The following CYTH3 variants were observed in gnomAD, a reference collection of about 807,000 sequenced individuals.
The protein encoded by CYTH3 is cytohesin 3.
A neutral mutation model predicts 55.1 loss-of-function variants in CYTH3; 23 were observed. The observed-to-expected ratio is 0.42, with a 90% CI of 0.30 to 0.59. The LOEUF is 0.59. Ranked by LOEUF, CYTH3 falls within the 20% of genes least tolerant of loss-of-function variation. The pLI is 0.20. For missense variants in CYTH3, 413 were observed against 524.8 expected, an observed-to-expected ratio of 0.79 and a Z score of 2.08; for synonymous variants, 249 against 194.9, an observed-to-expected ratio of 1.28 and a Z score of -2.31.
chr7:6,272,496 G>A lies in CYTH3; in HGVS notation c.12C>T (p.Asp4=). 2 of 1,344,938 alleles carry A rather than the reference G, an allele frequency of 1.5e-6. No homozygotes were observed. Among genetic ancestry groups the A allele is most frequent in the South Asian group, 1.5e-5 (1 of 67,748 alleles). The allele number at this position is 1,344,938 out of a possible 1,614,324, so 83.3% of individuals were successfully genotyped here. The change falls in exon 1 of 13, where the codon GAC becomes GAT. Residue 4 remains aspartate, a synonymous_variant. Transcript: ENST00000350796. ...CACCGCCACCACCCTCGCCGCCGCC[G>A]TCTTCATCCATCTTGAGGCCACTCC... is the stretch of plus-strand genomic sequence containing the variant. MDE[D]GGGEGGGVPE... is the part of the protein sequence containing the mutation.
At chr7:6,245,841 T>A (rs1007763993) in intron 1 of CYTH3, among the ~76,000 whole-genome samples, 1 of 152,152 alleles carries the variant, frequency 6.6e-6, no homozygotes, top group African/African-American at 2.4e-5. Context: ...GAGGTCAAGG[T>A]TGCAATGAGC....
intron 1 of CYTH3, among the ~76,000 whole-genome samples, chr7:6,263,741 T>C (rs1780414137): frequency 6.7e-6 from 1 of 149,914 alleles, no homozygotes; most frequent in Admixed American, 6.7e-5. Context: ...GAGGTTTCAA[T>C]GAGCCAAGAT....
intron 11 of CYTH3, 26 bp downstream of exon 11, chr7:6,165,519 G>A (rs201518525): frequency 1.6e-5 from 26 of 1,612,114 alleles, no homozygotes; most frequent in Non-Finnish European, 2.0e-5. Context: ...GCTGGCAGGA[G>A]AGAAGGTTCA....
intron 1 of CYTH3, among the ~76,000 whole-genome samples, chr7:6,265,981 T>C (rs1302745731): frequency 4.7e-5 from 7 of 148,288 alleles, no homozygotes; most frequent in African/African-American, 1.8e-4. Flanking sequence ...ACAGCTATTA[T>C]GTCAATTCTG....
intron 1 of CYTH3, among the ~76,000 whole-genome samples, chr7:6,247,408 T>C (rs773219318): frequency 7.3e-5 from 11 of 151,550 alleles, no homozygotes; most frequent in Non-Finnish European, 1.5e-4. Flanking sequence ...TCTTTGAATA[T>C]ACAGAAACAG....
At chr7:6,178,137 T>C (rs1344368903) in intron 4 of CYTH3, among the ~76,000 whole-genome samples, 196 bp from the exon 5 acceptor site, 1 of 152,264 alleles carries the variant, frequency 6.6e-6, no homozygotes, top group East Asian at 1.9e-4. Context: ...CGCACGTTCA[T>C]TCCTCCTGTT....
At chr7:6,178,902 C>A (rs1254170498) in intron 4 of CYTH3, among the ~76,000 whole-genome samples, 2 of 152,190 alleles carry the variant, frequency 1.3e-5, no homozygotes, top group African/African-American at 4.8e-5. Flanking sequence ...ACCTCTAACA[C>A]AGCCTTGCAG....
chr7:6,179,591 C>T (rs1295971013), intron 4 of CYTH3, among the ~76,000 whole-genome samples: 2 of 139,644 alleles, frequency 1.4e-5, no homozygotes, highest in Non-Finnish European at 3.1e-5. Flanking sequence ...AAGACAGACA[C>T]ACACACACAC....
intron 1 of CYTH3, among the ~76,000 whole-genome samples, chr7:6,236,206 C>G (rs1286101594): frequency 1.3e-5 from 2 of 151,816 alleles, no homozygotes; most frequent in East Asian, 1.9e-4. Context: ...AATAACCCCC[C>G]CCTTATTTTT....
At chr7:6,234,989 G>A (rs1409644862) in intron 1 of CYTH3, among the ~76,000 whole-genome samples, 2 of 152,160 alleles carry the variant, frequency 1.3e-5, no homozygotes, top group South Asian at 2.1e-4. Flanking sequence ...TCAGTGCCTT[G>A]CATCTGGTCC....
chr7:6,247,683 G>T (rs995783021), intron 1 of CYTH3, among the ~76,000 whole-genome samples: 1 of 151,800 alleles, frequency 6.6e-6, no homozygotes, highest in Non-Finnish European at 1.5e-5. Context: ...AGGGTCTGTC[G>T]CCCAGGCTGG....
At chr7:6,211,690 T>A (rs1784322706) in intron 1 of CYTH3, among the ~76,000 whole-genome samples, 1 of 152,184 alleles carries the variant, frequency 6.6e-6, no homozygotes, top group Admixed American at 6.5e-5. Context: ...ATAGTTACCC[T>A]GTTGTGCTAT....
intron 1 of CYTH3, among the ~76,000 whole-genome samples, chr7:6,214,895 T>C (rs1784392639): frequency 6.6e-6 from 1 of 152,140 alleles, no homozygotes; most frequent in Non-Finnish European, 1.5e-5. Context: ...CTAGTCATAC[T>C]CTTAGTATAG....
intron 10 of CYTH3, 27 bp downstream of exon 10, chr7:6,165,707 C>G: frequency 6.2e-7 from 1 of 1,613,626 alleles, no homozygotes; most frequent in Non-Finnish European, 8.5e-7. Context: ...TGCTGGGAGG[C>G]GGCAAGGAGG....
chr7:6,209,848 A>G (rs935552700), intron 1 of CYTH3, among the ~76,000 whole-genome samples: 3 of 152,356 alleles, frequency 2.0e-5, no homozygotes, highest in Non-Finnish European at 2.9e-5. Context: ...AAGTGAAAGA[A>G]GCCAATATGA....
At chr7:6,201,666 T>C (rs1035888042) in intron 1 of CYTH3, among the ~76,000 whole-genome samples, 6 of 152,154 alleles carry the variant, frequency 3.9e-5, no homozygotes, top group African/African-American at 1.2e-4. Flanking sequence ...CAACATCTCA[T>C]AGAGTAAGAA....
At chr7:6,202,756 G>A (rs1004533937) in intron 1 of CYTH3, among the ~76,000 whole-genome samples, 3 of 152,118 alleles carry the variant, frequency 2.0e-5, no homozygotes, top group African/African-American at 7.2e-5. Context: ...ACCGTGCCCA[G>A]CCAGGCCATT....
At chr7:6,246,419 A>G (rs1285003825) in intron 1 of CYTH3, among the ~76,000 whole-genome samples, 1 of 152,008 alleles carries the variant, frequency 6.6e-6, no homozygotes, top group Non-Finnish European at 1.5e-5. Context: ...ATACCATAGA[A>G]TTTTTGCGTG....
intron 1 of CYTH3, among the ~76,000 whole-genome samples, chr7:6,203,151 A>G (rs865985902): frequency 6.6e-6 from 1 of 152,210 alleles, no homozygotes; most frequent in Admixed American, 6.5e-5. Context: ...ATATAAAGCA[A>G]AAATTGACAG....
Sources: allele counts gnomAD v4.1 joint callset (sites outside exome capture counted in the v4.1 genomes callset), GRCh38; gene constraint gnomAD v4.1.1; transcripts MANE v1.5; gene names NCBI Gene and HGNC (gene_info 2026-07-23, HGNC 2026-07-21).